Variants in BTD observed in about 807,000 individuals in gnomAD.
The protein encoded by BTD is biocytinase.
Under a neutral mutation model 17.7 loss-of-function variants are expected in BTD, and 13 were observed. That is an observed-to-expected ratio of 0.74 (90% confidence interval 0.48 to 1.17). BTD has a LOEUF of 1.17. Among genes scored for constraint, BTD ranks in the 50% most tolerant of loss-of-function variants. The pLI is 0.00. For missense variants in BTD, 674 were observed against 650.4 expected, an observed-to-expected ratio of 1.04 and a Z score of -0.39; for synonymous variants, 240 against 245.2, an observed-to-expected ratio of 0.98 and a Z score of 0.20.
chr3:15,711,440 T>A lies in BTD; in HGVS notation c.*1366T>A, dbSNP rs1022730268. On this transcript the variant is annotated 3_prime_UTR_variant, in exon 4 of 4. Coordinates refer to the BTD transcript ENST00000672141. ...AAAGGCAATAGGATACAATGGAGTA[T>A]TATTTAGCAATAAAAAGAAATAAAG... Among the ~76,000 whole-genome samples, 34 of 152,314 alleles carry A rather than the reference T, an allele frequency of 2.2e-4. 5 individuals are homozygous for A. The highest frequency in any genetic ancestry group is 9.8e-4 in the Admixed American group (15 of 15,286).
chr3:15,676,220 A>C, intron 3 of BTD: 1 of 392,826 alleles, frequency 2.5e-6, no homozygotes. Context: ...CATAGGTCCC[A>C]TCGACAGGTC....
At chr3:15,604,550 A>C (rs573164846) in intron 1 of BTD, among the ~76,000 whole-genome samples, 1 of 152,206 alleles carries the variant, frequency 6.6e-6, no homozygotes, top group African/African-American at 2.4e-5. Flanking sequence ...TTGGTGATTA[A>C]TAGTTAGCTT....
intron 1 of BTD, among the ~76,000 whole-genome samples, chr3:15,605,674 ATC>A (rs2064428029): frequency 6.6e-6 from 1 of 152,210 alleles, no homozygotes; most frequent in African/African-American, 2.4e-5. Flanking sequence ...ATATATATAT[ATC>A]TATGAAATCA....
intron 3 of BTD, among the ~76,000 whole-genome samples, chr3:15,673,246 T>C (rs1031510088): frequency 2.6e-5 from 4 of 152,262 alleles, no homozygotes; most frequent in African/African-American, 9.6e-5. Context: ...TCTATGCTTA[T>C]TCCAATTAAA....
At chr3:15,611,781 A>C (rs897100610) in intron 1 of BTD, among the ~76,000 whole-genome samples, 4 of 151,996 alleles carry the variant, frequency 2.6e-5, no homozygotes. Context: ...GTCTCAAAAA[A>C]AAAAAAGAAA....
chr3:15,694,653 G>T, intron 3 of BTD: 3 of 1,143,050 alleles, frequency 2.6e-6, no homozygotes, highest in African/African-American at 1.5e-5. Flanking sequence ...AAAGTTTATG[G>T]TACTAGTTTG....
intron 3 of BTD, chr3:15,686,362 A>C (rs1178428619): frequency 7.3e-7 from 1 of 1,369,958 alleles, no homozygotes; most frequent in Non-Finnish European, 1.0e-6. Flanking sequence ...ATAAAATAGA[A>C]AATGTCCATC....
rs1380024607 is a variant in BTD, at chr3:15,645,748, C to G, written c.*260C>G. ...TTTTTCAAGCCACATCTTCCTCTAACAAATCTCTCAGTATGCGATTGGTCT... is the reference window on the plus strand; with the variant it reads ...TTTTTCAAGCCACATCTTCCTCTAAGAAATCTCTCAGTATGCGATTGGTCT... On this transcript the variant is annotated 3_prime_UTR_variant, in exon 4 of 4. Coordinates refer to ENST00000643237, the MANE Select transcript of BTD (RefSeq NM_001370658.1). 8.6e-6 allele frequency: 4 copies of G among 464,482 alleles called. No homozygotes were observed. In the Admixed American group the frequency reaches 1.1e-4, roughly 13 times the overall value. 28.8% of individuals were successfully genotyped at this position (464,482 alleles called of 1,614,324 possible). A position where few individuals can be genotyped will look rare whatever the true frequency, so the allele number is the denominator to read the frequency against.
At chr3:15,694,070 C>A (rs1365903855) in intron 3 of BTD, among the ~76,000 whole-genome samples, 1 of 152,106 alleles carries the variant, frequency 6.6e-6, no homozygotes, top group East Asian at 1.9e-4. Flanking sequence ...CCCTACAACT[C>A]TAACATGCTT....
chr3:15,629,017 A>G (rs896331567), intron 1 of BTD, among the ~76,000 whole-genome samples: 2 of 152,180 alleles, frequency 1.3e-5, no homozygotes, highest in African/African-American at 4.8e-5. Context: ...ACTGACCTGC[A>G]TCAAATTGTT....
downstream of BTD, among the ~76,000 whole-genome samples, chr3:15,657,356 A>G (rs1156292285): frequency 6.6e-6 from 1 of 152,158 alleles, no homozygotes; most frequent in East Asian, 1.9e-4. Flanking sequence ...GTCAGTTTTT[A>G]TTTATTGAGT....
chr3:15,692,012 T>A (rs2068862809), intron 3 of BTD, among the ~76,000 whole-genome samples: 2 of 149,740 alleles, frequency 1.3e-5, no homozygotes, highest in Non-Finnish European at 2.9e-5. Flanking sequence ...TGGTGGCACA[T>A]GCCTGTGGTC....
At chr3:15,610,024 G>T (rs2064567938) in intron 1 of BTD, among the ~76,000 whole-genome samples, 1 of 151,508 alleles carries the variant, frequency 6.6e-6, no homozygotes, top group East Asian at 1.9e-4. Flanking sequence ...ATTGATTTTT[G>T]TTTGTTGAGA....
chr3:15,716,824 C>T (rs977389594), downstream of BTD, among the ~76,000 whole-genome samples: 3 of 152,168 alleles, frequency 2.0e-5, no homozygotes, highest in South Asian at 2.1e-4. Context: ...TGGTCAGGCA[C>T]GGTGGCTCAT....
At chr3:15,718,722 G>A (rs891258277) in intron 4 of BTD, among the ~76,000 whole-genome samples, 1 of 152,160 alleles carries the variant, frequency 6.6e-6, no homozygotes, top group East Asian at 1.9e-4. Flanking sequence ...GTAAAGTTCC[G>A]TAATTTCCAT....
chr3:15,707,157 T>G (rs905542142), intron 3 of BTD, among the ~76,000 whole-genome samples: 7 of 152,208 alleles, frequency 4.6e-5, no homozygotes, highest in African/African-American at 1.4e-4. Context: ...ATTACTTATT[T>G]CTGCCAATGG....
intron 3 of BTD, among the ~76,000 whole-genome samples, chr3:15,674,196 A>AAAAAAAAAAAAAAAAAAAAAG (rs1470515364): frequency 7.7e-6 from 1 of 130,082 alleles, no homozygotes; most frequent in Admixed American, 7.8e-5. Context: ...AAAAAAAAAA[A>AAAAAAAAAAAAAAAAAAAAAG]AAGAAGAAGA....
At chr3:15,623,739 C>T (rs1013766589) in intron 1 of BTD, among the ~76,000 whole-genome samples, 1 of 152,170 alleles carries the variant, frequency 6.6e-6, no homozygotes, top group Non-Finnish European at 1.5e-5. Flanking sequence ...ATAGAGTTCT[C>T]ATGAGATCTG....
intron 3 of BTD, chr3:15,670,410 T>C (rs775784106): frequency 6.2e-7 from 1 of 1,613,912 alleles, no homozygotes; most frequent in Non-Finnish European, 8.5e-7. Context: ...CTGACTGTTT[T>C]TGAGGTGTTG....
Sources: allele counts gnomAD v4.1 joint callset (sites outside exome capture counted in the v4.1 genomes callset), GRCh38; gene constraint gnomAD v4.1.1; transcripts MANE v1.5; gene names NCBI Gene and HGNC (gene_info 2026-07-23, HGNC 2026-07-21).